Variants in CDH8 observed in about 807,000 individuals in gnomAD.
CDH8 encodes cadherin 8.
Under a neutral mutation model 68.1 loss-of-function variants are expected in CDH8, and 17 were observed. That is an observed-to-expected ratio of 0.25 (90% CI 0.17 to 0.37). The LOEUF (loss-of-function observed/expected upper bound fraction) is 0.37. Among genes scored for constraint, CDH8 ranks in the 10% least tolerant of loss-of-function variants. The probability of loss-of-function intolerance (pLI) is 1.00; values close to 1 mark genes in which losing one functional copy is unlikely to be tolerated. For missense variants in CDH8, 763 were observed against 999.3 expected, an observed-to-expected ratio of 0.76 and a Z score of 3.19; for synonymous variants, 372 against 365.1, an observed-to-expected ratio of 1.02 and a Z score of -0.21.
At chr16:61,691,165 T>A (rs778926235) in intron 10 of CDH8, among the ~76,000 whole-genome samples, 1 of 152,118 alleles carries the variant, frequency 6.6e-6, no homozygotes, top group Non-Finnish European at 1.5e-5. Context: ...AGAAACTGAT[T>A]ATCAGAGTTC....
At chr16:61,862,745 C>G (rs1963174490) in intron 3 of CDH8, among the ~76,000 whole-genome samples, 1 of 152,172 alleles carries the variant, frequency 6.6e-6, no homozygotes, top group Non-Finnish European at 1.5e-5. Context: ...ATGCACACTT[C>G]TCCATGGATA....
chr16:62,010,068 C>T (rs1597123908), intron 2 of CDH8, among the ~76,000 whole-genome samples: 2 of 151,670 alleles, frequency 1.3e-5, no homozygotes. Context: ...CCTCTGATTC[C>T]CATAAAATAA....
chr16:62,026,962 G>C (rs1902211387), intron 1 of CDH8, among the ~76,000 whole-genome samples: 1 of 152,206 alleles, frequency 6.6e-6, no homozygotes, highest in South Asian at 2.1e-4. Context: ...TACACAAACT[G>C]CTTAACTTGA....
chr16:61,908,894 T>C (rs1415017917), intron 2 of CDH8, among the ~76,000 whole-genome samples: 1 of 152,162 alleles, frequency 6.6e-6, no homozygotes, highest in East Asian at 1.9e-4. Flanking sequence ...AAATTAAGTT[T>C]GGAATATGCA....
chr16:61,777,620 T>C (rs1473142510), intron 8 of CDH8, among the ~76,000 whole-genome samples: 2 of 152,064 alleles, frequency 1.3e-5, no homozygotes, highest in African/African-American at 4.8e-5. Context: ...GCAGGAAAGA[T>C]GAAAGGAAGA....
intron 9 of CDH8, chr16:61,726,036 A>C (rs1162266067): frequency 6.7e-6 from 1 of 150,310 alleles, no homozygotes; most frequent in African/African-American, 2.4e-5. Context: ...ATTTATAATA[A>C]AGCATACAGC....
At chr16:61,810,972 C>T (rs562106789) in intron 7 of CDH8, among the ~76,000 whole-genome samples, 4 of 147,528 alleles carry the variant, frequency 2.7e-5, no homozygotes, top group South Asian at 4.3e-4. Context: ...TGCAGTGAGC[C>T]GAGATTGTGC....
chr16:61,801,804 C>T (rs775745159), intron 7 of CDH8, among the ~76,000 whole-genome samples: 29 of 152,368 alleles, frequency 1.9e-4, no homozygotes, highest in Non-Finnish European at 2.9e-4. Context: ...ACACCTGGCT[C>T]GGAGGGCCCT....
intron 4 of CDH8, among the ~76,000 whole-genome samples, chr16:61,834,028 A>T (rs1445890302): frequency 2.0e-5 from 3 of 151,892 alleles, no homozygotes; most frequent in Non-Finnish European, 4.4e-5. Flanking sequence ...CCTGGCACAT[A>T]ATAGGTTATT....
chr16:61,922,838 T>C (rs561760312), intron 2 of CDH8, among the ~76,000 whole-genome samples: 1 of 152,168 alleles, frequency 6.6e-6, no homozygotes, highest in Non-Finnish European at 1.5e-5. Flanking sequence ...ACATACAAAT[T>C]TATGCAATTT....
rs561316899 is a variant in CDH8 at position 61,781,398 on chromosome 16, G to C, written c.1414+7948C>G. On this transcript the variant is annotated intron_variant, in intron 8 of 11. Transcript: ENST00000577390. ...AGTGGAGGTGAGGAGTTAAAGACTA[G>C]CCTGGGCAACATGGTGAGACCCTGT... Among the ~76,000 whole-genome samples, 4 of 152,110 alleles carry C rather than the reference G, an allele frequency of 2.6e-5. No homozygotes were observed. The South Asian group carries it at 8.3e-4, about 32-fold the overall frequency.
At chr16:61,708,079 G>A (rs905100146) in intron 10 of CDH8, among the ~76,000 whole-genome samples, 8 of 152,024 alleles carry the variant, frequency 5.3e-5, no homozygotes, top group Admixed American at 3.3e-4. Context: ...AAGATTCTAC[G>A]CACGAAGGCA....
At chr16:62,005,284 A>G (rs1012046889) in intron 2 of CDH8, among the ~76,000 whole-genome samples, 5 of 152,202 alleles carry the variant, frequency 3.3e-5, no homozygotes, top group African/African-American at 1.2e-4. Flanking sequence ...GAACATTAGC[A>G]AAAGAATTAT....
At chr16:61,834,726 G>A (rs1962530478) in intron 4 of CDH8, among the ~76,000 whole-genome samples, 1 of 151,804 alleles carries the variant, frequency 6.6e-6, no homozygotes, top group African/African-American at 2.4e-5. Context: ...TATTTTTGAA[G>A]ATTCATAGTT....
At chr16:62,007,951 TTTA>T (rs953601492) in intron 2 of CDH8, among the ~76,000 whole-genome samples, 6 of 152,072 alleles carry the variant, frequency 3.9e-5, no homozygotes, top group African/African-American at 1.2e-4. Flanking sequence ...TATTTTTATC[TTTA>T]TTATTATTAT....
At chr16:61,685,662 C>T (rs961236970) in intron 10 of CDH8, among the ~76,000 whole-genome samples, 2 of 151,904 alleles carry the variant, frequency 1.3e-5, no homozygotes, top group Non-Finnish European at 2.9e-5. Flanking sequence ...ATGCAAAGTG[C>T]TTAACATAGA....
At chr16:61,972,234 G>T (rs1477354724) in intron 2 of CDH8, among the ~76,000 whole-genome samples, 2 of 152,138 alleles carry the variant, frequency 1.3e-5, no homozygotes, top group African/African-American at 4.8e-5. Context: ...TGCCATGATT[G>T]TGAGGCCTCC....
intron 2 of CDH8, among the ~76,000 whole-genome samples, chr16:61,945,866 C>A (rs375367932): frequency 1.2e-4 from 19 of 152,258 alleles, no homozygotes; most frequent in Middle Eastern, 3.4e-3. Flanking sequence ...TGTTTTGTTT[C>A]TTTCACTATT....
At chr16:61,986,152 G>C (rs1364201432) in intron 2 of CDH8, among the ~76,000 whole-genome samples, 3 of 151,760 alleles carry the variant, frequency 2.0e-5, no homozygotes, top group African/African-American at 7.3e-5. Flanking sequence ...TTGAACTCCT[G>C]ACCTCAGGTG....
Sources: gnomAD v4.1 joint callset for allele counts (sites outside exome capture counted in the v4.1 genomes callset) on GRCh38, gnomAD v4.1.1 for gene constraint, MANE v1.5 for transcripts, NCBI Gene and HGNC (gene_info 2026-07-23, HGNC 2026-07-21) for gene names.